Variants in CDH4 observed in about 807,000 individuals in gnomAD.
CDH4 encodes the protein cadherin-4.
A neutral mutation model predicts 86.0 loss-of-function variants in CDH4; 33 were observed. That is an observed-to-expected ratio of 0.38 (90% CI 0.29 to 0.51). CDH4 has a LOEUF of 0.51. Among genes scored for constraint, CDH4 ranks in the 20% least tolerant of loss-of-function variants. The pLI is 0.86. For missense variants in CDH4, 1,114 were observed against 1,307.4 expected (o/e 0.85, Z 2.28); for synonymous variants, 555 against 549.4 (o/e 1.01, Z -0.14).
intron 4 of CDH4, among the ~76,000 whole-genome samples, chr20:61,808,198 C>A (rs1362588397): frequency 1.3e-5 from 2 of 151,996 alleles, no homozygotes; most frequent in African/African-American, 4.8e-5. Context: ...GCTGCAAGCC[C>A]CACCCCAGCC....
At chr20:61,522,117 G>C (rs1050751375) in intron 2 of CDH4, among the ~76,000 whole-genome samples, 2 of 152,218 alleles carry the variant, frequency 1.3e-5, no homozygotes, top group Non-Finnish European at 2.9e-5. Context: ...GGCCTCCCTC[G>C]TGACAGTGGC....
intron 4 of CDH4, among the ~76,000 whole-genome samples, chr20:61,812,191 G>C (rs182502070): frequency 2.6e-5 from 4 of 152,176 alleles, no homozygotes; most frequent in African/African-American, 9.6e-5. Flanking sequence ...GTTATTGGGG[G>C]CGGGGTATCA....
chr20:61,615,829 A>G (rs567921120), intron 2 of CDH4, among the ~76,000 whole-genome samples: 1 of 152,364 alleles, frequency 6.6e-6, no homozygotes, highest in East Asian at 1.9e-4. Flanking sequence ...GGGAGCTGGG[A>G]ATAGAACAGA....
At chr20:61,317,080 G>A (rs2084480668) in intron 2 of CDH4, among the ~76,000 whole-genome samples, 1 of 150,798 alleles carries the variant, frequency 6.6e-6, no homozygotes, top group African/African-American at 2.5e-5. Flanking sequence ...TGAATACCAT[G>A]TTCAAATATA....
intron 5 of CDH4, among the ~76,000 whole-genome samples, chr20:61,849,047 C>T (rs6089285): frequency 1.3e-5 from 2 of 152,276 alleles, no homozygotes; most frequent in East Asian, 3.9e-4. Flanking sequence ...GGACTCCAGC[C>T]TTCTCACCCC....
intron 2 of CDH4, among the ~76,000 whole-genome samples, chr20:61,306,949 C>A (rs996454325): frequency 3.3e-5 from 5 of 152,148 alleles, no homozygotes; most frequent in African/African-American, 1.2e-4. Context: ...TCATTTCCTC[C>A]TTGGTGTGGC....
chr20:61,912,748 T>C (rs1456488022), intron 9 of CDH4, among the ~76,000 whole-genome samples: 3 of 152,138 alleles, frequency 2.0e-5, no homozygotes, highest in Non-Finnish European at 4.4e-5. Flanking sequence ...ATTTTCAGAG[T>C]GAGGTATTAG....
chr20:61,796,262 C>T (rs953866640), intron 4 of CDH4, among the ~76,000 whole-genome samples: 4 of 152,226 alleles, frequency 2.6e-5, no homozygotes, highest in African/African-American at 7.2e-5. Flanking sequence ...AGCCAGGAAT[C>T]TCCAGAGCAG....
chr20:61,321,152 A>G (rs1208534304), intron 2 of CDH4, among the ~76,000 whole-genome samples: 1 of 152,206 alleles, frequency 6.6e-6, no homozygotes, highest in African/African-American at 2.4e-5. Context: ...AGAGAGAGGA[A>G]GAGAGAGAAG....
intron 2 of CDH4, among the ~76,000 whole-genome samples, chr20:61,293,130 C>G (rs954763457): frequency 2.0e-5 from 3 of 152,166 alleles, no homozygotes; most frequent in African/African-American, 7.2e-5. Flanking sequence ...GGAGGGAGGG[C>G]TGGTTCCTTC....
intron 2 of CDH4, among the ~76,000 whole-genome samples, chr20:61,260,309 G>A (rs1406421822): frequency 6.6e-6 from 1 of 152,158 alleles, no homozygotes; most frequent in African/African-American, 2.4e-5. Context: ...CTTGGTAACT[G>A]TTTGTTGAAT....
intron 6 of CDH4, among the ~76,000 whole-genome samples, chr20:61,870,058 G>A (rs915022552): frequency 5.5e-4 from 83 of 152,182 alleles, no homozygotes; most frequent in Non-Finnish European, 2.4e-4. Context: ...GGGAGTACGC[G>A]GGTCTCTGCC....
chr20:61,449,076 G>A (rs1472935046), intron 2 of CDH4, among the ~76,000 whole-genome samples: 1 of 152,182 alleles, frequency 6.6e-6, no homozygotes, highest in Non-Finnish European at 1.5e-5. Flanking sequence ...TGGGGAAGCA[G>A]TTGGGGATGG....
chr20:61,793,710 G>C (rs542892001), intron 4 of CDH4, among the ~76,000 whole-genome samples: 34 of 151,992 alleles, frequency 2.2e-4, no homozygotes, highest in East Asian at 7.8e-4. Context: ...CATGGTGGCA[G>C]ACACCTGTAA....
intron 2 of CDH4, among the ~76,000 whole-genome samples, chr20:61,561,911 G>C (rs1378026443): frequency 6.6e-6 from 1 of 152,272 alleles, no homozygotes; most frequent in Non-Finnish European, 1.5e-5. Flanking sequence ...TTTCTGGGCA[G>C]TGACCATATG....
intron 2 of CDH4, among the ~76,000 whole-genome samples, chr20:61,327,983 T>C (rs984870847): frequency 6.6e-6 from 1 of 152,174 alleles, no homozygotes; most frequent in Non-Finnish European, 1.5e-5. Context: ...ACAATACTGA[T>C]GCTTTTGTGG....
chr20:61,382,228 A>G (rs1017029018), intron 2 of CDH4, among the ~76,000 whole-genome samples: 1 of 152,244 alleles, frequency 6.6e-6, no homozygotes, highest in Admixed American at 6.5e-5. Flanking sequence ...AACAAAGCTT[A>G]CTTGATGCCT....
chr20:61,452,453 T>C (rs17734201), intron 2 of CDH4, among the ~76,000 whole-genome samples: 21,736 of 152,200 alleles, frequency 0.14, 1,920 homozygotes, highest in Non-Finnish European at 0.19. Flanking sequence ...CTCTGCAGAA[T>C]AGCCACGTTT....
chr20:61,723,584 G>A (rs1231400832), intron 2 of CDH4, among the ~76,000 whole-genome samples: 7 of 152,192 alleles, frequency 4.6e-5, no homozygotes, highest in South Asian at 2.1e-4. Flanking sequence ...TGCTCTTCTC[G>A]AGGGTTCCCT....
Sources: gnomAD v4.1 joint callset for allele counts (sites outside exome capture counted in the v4.1 genomes callset) on GRCh38, gnomAD v4.1.1 for gene constraint, MANE v1.5 for transcripts, NCBI Gene and HGNC (gene_info 2026-07-23, HGNC 2026-07-21) for gene names.